SOCS7: variants seen among roughly 807,000 people sequenced by gnomAD.
SOCS7 encodes the protein NAP-4.
SOCS7 carries 18 observed loss-of-function variants against 58.9 expected under a neutral mutation model. That is an observed-to-expected ratio of 0.31 (90% CI 0.21 to 0.45). The LOEUF (loss-of-function observed/expected upper bound fraction) is 0.45. Among genes scored for constraint, SOCS7 ranks in the 20% least tolerant of loss-of-function variants. The pLI is 1.00. For missense variants in SOCS7, 667 were observed against 837.3 expected (o/e 0.80, Z 2.51); for synonymous variants, 388 against 364.3 (o/e 1.06, Z -0.74).
intron 7 of SOCS7, among the ~76,000 whole-genome samples, chr17:38,381,314 G>A (rs1038291692): frequency 2.0e-5 from 3 of 152,126 alleles, no homozygotes; most frequent in Admixed American, 6.6e-5. Flanking sequence ...TTATAAAGGG[G>A]AAGGCATTAT....
chr17:38,396,112 GCAT>G, intron 9 of SOCS7, 114 bp downstream of exon 9: 1 of 840,058 alleles, frequency 1.2e-6, no homozygotes, highest in Non-Finnish European at 1.7e-6. Flanking sequence ...CCCGATCCAG[GCAT>G]TTGCCCATAG....
Position 38,351,844 on chromosome 17 carries a change from G to A in SOCS7, c.-209G>A, listed in dbSNP as rs955725326. Among the ~76,000 whole-genome samples, 17 of 152,052 alleles carry A rather than the reference G, an allele frequency of 1.1e-4. No individual in the cohort carries two copies. The highest frequency in any genetic ancestry group is 2.5e-4 in the Non-Finnish European group (17 of 67,970). On this transcript the variant is annotated 5_prime_UTR_variant, in exon 1 of 10. Transcript: ENST00000612932. ...GCTAAGCCCTTCCGGAAGTGACGTC[G>A]GCTTGGGGGCGGTGCTCGGCGGTGG...
At chr17:38,384,626 C>T (rs544549090) in intron 7 of SOCS7, among the ~76,000 whole-genome samples, 1 of 151,830 alleles carries the variant, frequency 6.6e-6, no homozygotes, top group Non-Finnish European at 1.5e-5. Flanking sequence ...GAGTCTCCCT[C>T]TGTCACCCAG....
Position 38,371,066 on chromosome 17 carries a change from C to T in SOCS7, c.1552+3016C>T, listed in dbSNP as rs904434504. ...TAAGAGTAGGTAGAGAGACTCAAAT[C>T]TGCAGTTCTCTTGACTGATTAGTAT... On this transcript the variant is annotated intron_variant, in intron 6 of 9. Coordinates refer to ENST00000612932, the MANE Select transcript of SOCS7 (RefSeq NM_014598.4). 2.6e-5 allele frequency among the ~76,000 whole-genome samples: 4 copies of T among 152,148 alleles called. No homozygotes were observed. The East Asian group carries it at 7.7e-4, about 29-fold the overall frequency.
chr17:38,389,553 G>GT (rs778262581), intron 7 of SOCS7, among the ~76,000 whole-genome samples: 9 of 152,040 alleles, frequency 5.9e-5, no homozygotes, highest in Non-Finnish European at 1.3e-4. Context: ...AAAAAATAAA[G>GT]TTCTTTATAT....
chr17:38,358,675 G>C (rs1343067412), intron 1 of SOCS7, among the ~76,000 whole-genome samples: 1 of 151,790 alleles, frequency 6.6e-6, no homozygotes, highest in African/African-American at 2.4e-5. Context: ...TACTGCTTTG[G>C]GTTTGTAGTT....
intron 3 of SOCS7, 70 bp from the exon 4 acceptor site, chr17:38,365,238 C>A: frequency 8.4e-7 from 1 of 1,186,558 alleles, no homozygotes; most frequent in Non-Finnish European, 1.2e-6. Context: ...CCTTCTCCCT[C>A]TCCTCTGCCT....
chr17:38,390,485 G>C (rs973452796), intron 7 of SOCS7, among the ~76,000 whole-genome samples: 1 of 152,174 alleles, frequency 6.6e-6, no homozygotes, highest in Non-Finnish European at 1.5e-5. Flanking sequence ...GTTGGCAAGA[G>C]TGTGGAGTTG....
chr17:38,371,101 GTGTT>G lies in SOCS7; in HGVS notation c.1552+3065_1552+3068del, dbSNP rs202028475. On this transcript the variant is annotated intron_variant, in intron 6 of 9. Transcript: ENST00000612932. ...CTTGACTGATTAGTATCCCTTTTTT[GTGTT>G]TGTTTGTTTGTTTTGTTTTGTTTTT... Among the ~76,000 whole-genome samples the G allele has an allele frequency of 2.0e-3, 309 of 151,964 alleles. No individual in the cohort carries two copies. The Middle Eastern group carries it at 0.031, about 15-fold the overall frequency.
intron 7 of SOCS7, among the ~76,000 whole-genome samples, chr17:38,382,078 T>G (rs954512471): frequency 6.6e-6 from 1 of 151,666 alleles, no homozygotes; most frequent in African/African-American, 2.4e-5. Flanking sequence ...AAACATACCC[T>G]TTTTAATTGA....
chr17:38,368,550 G>A (rs1442831544), intron 6 of SOCS7, among the ~76,000 whole-genome samples: 1 of 150,484 alleles, frequency 6.6e-6, no homozygotes, highest in East Asian at 2.0e-4. Context: ...TGCCTAGGCT[G>A]GAGTGCAGTG....
At chr17:38,381,460 G>A (rs555722985) in intron 7 of SOCS7, among the ~76,000 whole-genome samples, 53 of 152,246 alleles carry the variant, frequency 3.5e-4, no homozygotes, top group African/African-American at 1.3e-3. Context: ...TTCAGACTTT[G>A]GAATGATGAC....
Position 38,366,307 on chromosome 17 carries a change from C to G in SOCS7, c.1273C>G (p.Pro425Ala). The G allele has an allele frequency of 6.2e-7, 1 of 1,614,104 alleles. No individual in the cohort carries two copies. The highest frequency in any genetic ancestry group is 8.5e-7 in the Non-Finnish European group (1 of 1,179,994). ...HAPDAFPRIAPIRAAESLHSQ... is the reference protein window; with the variant it reads ...HAPDAFPRIAAIRAAESLHSQ... ...TGCAGATGCATTTCCCCGGATTGCT[C>G]CCATCCGAGCAGCTGAATCCCTGCA... Residue 425 changes from proline (P) to alanine (A), a missense_variant, in exon 5 of 10, where the codon CCC becomes GCC. This residue lies in a region of SOCS7 where 99 missense variants were observed against 122.9 expected (regional missense o/e 0.81). Coordinates refer to ENST00000612932, the MANE Select transcript of SOCS7 (RefSeq NM_014598.4).
intron 2 of SOCS7, 61 bp from the exon 3 acceptor site, chr17:38,364,691 C>G (rs1461909514): frequency 1.4e-6 from 2 of 1,410,940 alleles, no homozygotes; most frequent in Non-Finnish European, 1.0e-6. Context: ...CTTCCCTTTG[C>G]TTTCTGCATC....
At chr17:38,377,640 A>G in intron 6 of SOCS7, 74 bp from the exon 7 acceptor site, 3 of 1,428,816 alleles carry the variant, frequency 2.1e-6, no homozygotes, top group Non-Finnish European at 2.8e-6. Context: ...AATCATAGTT[A>G]AAATATTCAA....
intron 6 of SOCS7, among the ~76,000 whole-genome samples, chr17:38,373,805 A>C (rs2037897504): frequency 6.6e-6 from 1 of 152,226 alleles, no homozygotes; most frequent in African/African-American, 2.4e-5. Context: ...CCTTTAGATC[A>C]GGTGGGTCAT....
chr17:38,372,043 A>G (rs933836558), intron 6 of SOCS7, among the ~76,000 whole-genome samples: 28 of 152,046 alleles, frequency 1.8e-4, no homozygotes, highest in Non-Finnish European at 3.2e-4. Context: ...TATGGTCTCT[A>G]AGAAGTATAT....
chr17:38,387,123 A>ATGTGTGTG (rs1414262368), intron 7 of SOCS7, among the ~76,000 whole-genome samples: 7 of 105,700 alleles, frequency 6.6e-5, no homozygotes, highest in African/African-American at 2.8e-4. Context: ...ATATATATAT[A>ATGTGTGTG]TATATGTATG....
At chr17:38,379,176 A>C (rs539269896) in intron 7 of SOCS7, among the ~76,000 whole-genome samples, 36 of 149,798 alleles carry the variant, frequency 2.4e-4, no homozygotes, top group African/African-American at 7.7e-4. Context: ...AAAACAAAAA[A>C]AAACAAAAAA....
Sources: allele counts gnomAD v4.1 joint callset (sites outside exome capture counted in the v4.1 genomes callset), GRCh38; gene constraint gnomAD v4.1.1; regional missense constraint gnomAD v4.1.1; transcripts MANE v1.5; gene names NCBI Gene and HGNC (gene_info 2026-07-23, HGNC 2026-07-21).